ARFGEF1: variants seen among roughly 807,000 people sequenced by gnomAD.
ARFGEF1 encodes brefeldin A-inhibited guanine nucleotide-exchange protein 1.
ARFGEF1 carries 42 observed loss-of-function variants against 231.0 expected under a neutral mutation model. That is an observed-to-expected ratio of 0.18 (90% CI 0.14 to 0.24). The LOEUF is 0.24. Among genes scored for constraint, ARFGEF1 ranks in the 10% least tolerant of loss-of-function variants. ARFGEF1 has a pLI of 1.00. For missense variants in ARFGEF1, 1,345 were observed against 2,192.0 expected (o/e 0.61, Z 7.72); for synonymous variants, 710 against 732.3 (o/e 0.97, Z 0.49).
At position 67,192,083 on chromosome 8, in the gene ARFGEF1, T is replaced by G. The variant is rs191530323; in HGVS notation, c.560+8313A>C. On this transcript the variant is annotated intron_variant, in intron 5 of 5. Coordinates refer to the ARFGEF1 transcript ENST00000518789. ...GCTGATTTGTTTTTTTTTTTGTTTT[T>G]TTTTTTTGATACAGAGTCCTGCTCT... is the stretch of plus-strand genomic sequence containing the variant. 3.9e-3 allele frequency among the ~76,000 whole-genome samples: 588 copies of G among 151,126 alleles called. 7 individuals are homozygous for G. Among genetic ancestry groups the G allele is most frequent in the South Asian group, 0.038 (181 of 4,764 alleles).
In ARFGEF1 at chr8:67,312,258, A is replaced by AC. The variant is rs1476932764; in HGVS notation, c.125-9793_125-9792insG. Among the ~76,000 whole-genome samples the AC allele has an allele frequency of 1.2e-3, 178 of 150,776 alleles. 4 individuals are homozygous for AC. Among genetic ancestry groups the AC allele is most frequent in the Admixed American group, 9.6e-3 (146 of 15,192 alleles). On this transcript the variant is annotated intron_variant, in intron 1 of 38. Transcript: ENST00000262215. ...TAAAAAAAAAATTAAAAAAAAAAAA[A>AC]AACAACACACACCAGAATCAAACCC...
Position 67,226,057 on chromosome 8 carries a change from C to T in ARFGEF1, c.4043G>A (p.Arg1348His), listed in dbSNP as rs1250558374. The stretch of plus-strand genomic sequence containing the variant: ...ATCAGACACATATTTTGCACAATGG[C>T]GAATAAGTCGAATTGCTTCCATACT... ...DTSMEAIRLIRHCAKYVSDRP... is the reference protein window; with the variant it reads ...DTSMEAIRLIHHCAKYVSDRP... Residue 1348 changes from arginine (R) to histidine (H), a missense_variant, in exon 28 of 39, where the codon CGC becomes CAC. By Grantham distance (29) the Arg-to-His change is conservative (BLOSUM62 0). This residue lies in a region of ARFGEF1 where 142 missense variants were observed against 227.3 expected (regional missense o/e 0.62). Transcript: ENST00000262215. 2 of 1,611,792 alleles carry T rather than the reference C, an allele frequency of 1.2e-6. No individual in the cohort carries two copies. The highest frequency in any genetic ancestry group is 1.7e-6 in the Non-Finnish European group (2 of 1,178,918).
chr8:67,279,272 A>T (rs899950706), intron 7 of ARFGEF1, among the ~76,000 whole-genome samples: 1 of 151,816 alleles, frequency 6.6e-6, no homozygotes. Flanking sequence ...TTCTCTCCCC[A>T]CCTCCCCTTA....
intron 10 of ARFGEF1, among the ~76,000 whole-genome samples, chr8:67,269,404 G>A (rs1373815675): frequency 6.8e-6 from 1 of 147,690 alleles, no homozygotes; most frequent in African/African-American, 2.5e-5. Flanking sequence ...CCAGGCTGGA[G>A]TGCAATGGCG....
chr8:67,238,982 T>G, intron 20 of ARFGEF1, 89 bp from the exon 21 acceptor site: 1 of 982,534 alleles, frequency 1.0e-6, no homozygotes, highest in Non-Finnish European at 1.4e-6. Flanking sequence ...ACTTGTTCAG[T>G]AAGATTTTGT....
chr8:67,258,582 A>G (rs1840539263), intron 15 of ARFGEF1, among the ~76,000 whole-genome samples: 1 of 152,066 alleles, frequency 6.6e-6, no homozygotes, highest in Non-Finnish European at 1.5e-5. Context: ...TCAGCCTCCC[A>G]AAGTGCTGGG....
At chr8:67,339,979 C>T (rs1808549871) in intron 1 of ARFGEF1, among the ~76,000 whole-genome samples, 1 of 151,462 alleles carries the variant, frequency 6.6e-6, no homozygotes, top group Admixed American at 6.6e-5. Flanking sequence ...TAAAATTTCC[C>T]CTAATCTACA....
At chr8:67,310,896 C>A (rs1806985851) in intron 1 of ARFGEF1, among the ~76,000 whole-genome samples, 1 of 151,936 alleles carries the variant, frequency 6.6e-6, no homozygotes, top group Non-Finnish European at 1.5e-5. Flanking sequence ...AGCCTCTCCA[C>A]CCGGCAGCCA....
rs1460485840 is a variant in ARFGEF1 at position 67,227,230 on chromosome 8, A to G, written c.3823T>C (p.Trp1275Arg). Residue 1275 changes from tryptophan to arginine, a missense_variant, in exon 27 of 39, where the codon TGG (tryptophan) becomes CGG (arginine). By Grantham distance (101) the Trp-to-Arg change is moderately radical. Transcript: ENST00000262215. ...NSQAANIRSG[W>R]KNIFSVFHLA... is the part of the protein sequence containing the mutation. ...TGAAATACAGAGAAAATGTTCTTCC[A>G]TCCAGATCGAATGTTAGCAGCTTGA... 1.9e-6 allele frequency: 3 copies of G among 1,612,982 alleles called. No homozygotes were observed. Among genetic ancestry groups the G allele is most frequent in the Admixed American group, 3.3e-5 (2 of 59,958 alleles).
chr8:67,310,358 C>T (rs945160961), intron 1 of ARFGEF1, among the ~76,000 whole-genome samples: 2 of 152,234 alleles, frequency 1.3e-5, no homozygotes, highest in African/African-American at 4.8e-5. Context: ...CTCAGCCTCC[C>T]GAGGTGCCAG....
chr8:67,226,292 G>A, intron 27 of ARFGEF1, 109 bp from the exon 28 acceptor site: 2 of 1,017,400 alleles, frequency 2.0e-6, no homozygotes, highest in African/African-American at 1.6e-5. Flanking sequence ...GGTTGTTACA[G>A]GTTCTGACAT....
intron 17 of ARFGEF1, 25 bp downstream of exon 17, chr8:67,257,707 A>G (rs1314461361): frequency 5.9e-6 from 9 of 1,527,122 alleles, no homozygotes; most frequent in Non-Finnish European, 8.1e-6. Context: ...CGCTTATTGT[A>G]AAACTGACTT....
intron 10 of ARFGEF1, among the ~76,000 whole-genome samples, chr8:67,270,112 ACTGT>A (rs1412091576): frequency 6.6e-6 from 1 of 152,184 alleles, no homozygotes; most frequent in East Asian, 1.9e-4. Context: ...AGTTTTTTTA[ACTGT>A]CTTTTATTTA....
Position 67,257,809 on chromosome 8 carries a change from G to C in ARFGEF1, c.2449C>G (p.Leu817Val). ...TAAGCTGTATCCGCACTAGCAAAGA[G>C]AGTTTGTCTGGAAAAATAAATGTAT... Reference protein sequence around the residue: ...RYLECNQGQTLFASADTAYVL... With the variant: ...RYLECNQGQTVFASADTAYVL... Residue 817 changes from leucine (L) to valine (V), a missense_variant, in exon 17 of 39, where the codon CTC becomes GTC. Leu to Val is a conservative substitution (Grantham distance 32). Transcript: ENST00000262215. The C allele has an allele frequency of 6.2e-7, 1 of 1,602,960 alleles. No individual in the cohort carries two copies. The highest frequency in any genetic ancestry group is 8.5e-7 in the Non-Finnish European group (1 of 1,177,050).
At position 67,253,590 on chromosome 8, in the gene ARFGEF1, A is replaced by T; in HGVS notation, c.2559T>A (p.Ile853=). ...VKNKMTKEQY[I]KMNRGINDSK... is the part of the protein sequence containing the mutation. ...TGTCATTGATACCTCTATTCATCTT[A>T]ATGTATTGTTCCTTTGTCATTTTAT... The change falls in exon 18 of 39, where the codon ATT becomes ATA. Residue 853 remains isoleucine (I), a synonymous_variant. Coordinates refer to ENST00000262215, the MANE Select transcript of ARFGEF1 (RefSeq NM_006421.5). 6 of 1,556,230 alleles carry T rather than the reference A, an allele frequency of 3.9e-6. No homozygotes were observed. Among genetic ancestry groups the T allele is most frequent in the Non-Finnish European group, 5.3e-6 (6 of 1,140,902 alleles).
chr8:67,253,441 A>G lies in ARFGEF1; in HGVS notation c.2698+10T>C, dbSNP rs766682368. On this transcript the variant is annotated intron_variant, in intron 18 of 38. Coordinates refer to ENST00000262215, the MANE Select transcript of ARFGEF1 (RefSeq NM_006421.5). ...TGAACAATCAGAATTCAATTAATTT[A>G]GATACTTACTCTGTTTACTTGATTT... 9 of 1,507,716 alleles carry G rather than the reference A, an allele frequency of 6.0e-6. No individual in the cohort carries two copies. The highest frequency in any genetic ancestry group is 8.2e-6 in the Non-Finnish European group (9 of 1,101,236). 93.4% of individuals were successfully genotyped at this position (1,507,716 alleles called of 1,614,324 possible). A position where few individuals can be genotyped will look rare whatever the true frequency, so the allele number is the denominator to read the frequency against.
At chr8:67,195,370 T>C (rs536196752), downstream of ARFGEF1, 6 of 1,604,888 alleles carry the variant, frequency 3.7e-6, no homozygotes, top group African/African-American at 8.0e-5. Flanking sequence ...ACGTGTCCCT[T>C]GCCTCCTGTA....
At chr8:67,327,381 G>A (rs997619522) in intron 1 of ARFGEF1, among the ~76,000 whole-genome samples, 5 of 149,432 alleles carry the variant, frequency 3.3e-5, no homozygotes, top group African/African-American at 7.4e-5. Context: ...GCAATGGTGC[G>A]ATCTCGGCTC....
intron 1 of ARFGEF1, among the ~76,000 whole-genome samples, chr8:67,335,018 T>A (rs1255970964): frequency 1.3e-5 from 2 of 152,010 alleles, no homozygotes; most frequent in Non-Finnish European, 2.9e-5. Flanking sequence ...GTAAATACTA[T>A]AGTATGTAAA....
Sources: allele counts gnomAD v4.1 joint callset (sites outside exome capture counted in the v4.1 genomes callset), GRCh38; gene constraint gnomAD v4.1.1; regional missense constraint gnomAD v4.1.1; transcripts MANE v1.5; gene names NCBI Gene and HGNC (gene_info 2026-07-23, HGNC 2026-07-21).